CTNNA2: variants seen among roughly 807,000 people sequenced by gnomAD.
CTNNA2 encodes catenin alpha-2.
Under a neutral mutation model 101.0 loss-of-function variants are expected in CTNNA2, and 42 were observed. That is an observed-to-expected ratio of 0.42 (90% confidence interval 0.32 to 0.54). The LOEUF (loss-of-function observed/expected upper bound fraction) is 0.54. CTNNA2 is among the 20% of genes least tolerant of loss of function. The pLI is 0.14. For synonymous variants in CTNNA2, 450 were observed against 456.4 expected (o/e 0.99, Z 0.18); for missense variants, 871 against 1,223.1 (o/e 0.71, Z 4.29).
chr2:79,655,725 A>G (rs1300291398), intron 2 of CTNNA2, among the ~76,000 whole-genome samples: 1 of 151,868 alleles, frequency 6.6e-6, no homozygotes, highest in Non-Finnish European at 1.5e-5. Context: ...GCTACTCAGG[A>G]GGCTGAGGCA....
intron 7 of CTNNA2, 129 bp downstream of exon 7, chr2:79,909,926 C>A: frequency 1.1e-6 from 1 of 914,594 alleles, no homozygotes; most frequent in Non-Finnish European, 1.6e-6. Context: ...CAGGTGAAAC[C>A]AAAGAACTGC....
At chr2:79,597,732 C>T (rs939330037) in intron 1 of CTNNA2, among the ~76,000 whole-genome samples, 1 of 152,092 alleles carries the variant, frequency 6.6e-6, no homozygotes, top group African/African-American at 2.4e-5. Context: ...CCCAGTGAGA[C>T]CCAGTACTAT....
chr2:79,526,666 A>G (rs1280211917), intron 1 of CTNNA2, among the ~76,000 whole-genome samples: 2 of 152,106 alleles, frequency 1.3e-5, no homozygotes, highest in Non-Finnish European at 2.9e-5. Flanking sequence ...TCCGAAATAA[A>G]CCCATATATT....
chr2:80,484,373 A>G (rs945138895), intron 9 of CTNNA2, among the ~76,000 whole-genome samples: 1 of 152,334 alleles, frequency 6.6e-6, no homozygotes, highest in African/African-American at 2.4e-5. Flanking sequence ...GAGCTGTTGA[A>G]TAAGTGAATA....
chr2:79,932,404 T>G (rs1687510790), intron 7 of CTNNA2, among the ~76,000 whole-genome samples: 1 of 152,130 alleles, frequency 6.6e-6, no homozygotes, highest in South Asian at 2.1e-4. Flanking sequence ...GAAATCATAG[T>G]TTAAAACCTT....
chr2:79,249,014 G>T (rs1429438122), intron 2 of CTNNA2, among the ~76,000 whole-genome samples: 3 of 152,164 alleles, frequency 2.0e-5, no homozygotes, highest in Non-Finnish European at 2.9e-5. Flanking sequence ...ATGTGGACCT[G>T]TTAATTTCAC....
At chr2:79,907,927 C>T (rs1483559628) in intron 6 of CTNNA2, among the ~76,000 whole-genome samples, 2 of 152,176 alleles carry the variant, frequency 1.3e-5, no homozygotes, top group East Asian at 3.9e-4. Flanking sequence ...AAGACTTCAA[C>T]ATTCTTGTGC....
chr2:79,469,894 C>G (rs1230832701), intron 4 of CTNNA2, among the ~76,000 whole-genome samples: 1 of 152,102 alleles, frequency 6.6e-6, no homozygotes, highest in Non-Finnish European at 1.5e-5. Context: ...ATGAAAAGAG[C>G]TATTTATGAC....
chr2:80,195,322 G>A (rs986838441), intron 7 of CTNNA2, among the ~76,000 whole-genome samples: 1 of 152,114 alleles, frequency 6.6e-6, no homozygotes, highest in African/African-American at 2.4e-5. Flanking sequence ...AGAAATATTA[G>A]CATTGTAAAT....
intron 12 of CTNNA2, among the ~76,000 whole-genome samples, chr2:80,557,118 G>C (rs577952938): frequency 6.6e-6 from 1 of 152,326 alleles, no homozygotes; most frequent in African/African-American, 2.4e-5. Flanking sequence ...AAACAGAATA[G>C]TGTGGTATCA....
chr2:79,317,265 A>G (rs1455665927), intron 3 of CTNNA2, among the ~76,000 whole-genome samples: 3 of 152,026 alleles, frequency 2.0e-5, no homozygotes, highest in Admixed American at 2.0e-4. Flanking sequence ...ATCCGACTTG[A>G]TTATGGTATA....
chr2:79,918,316 G>T (rs1313220824), intron 7 of CTNNA2, among the ~76,000 whole-genome samples: 1 of 152,142 alleles, frequency 6.6e-6, no homozygotes, highest in Non-Finnish European at 1.5e-5. Flanking sequence ...CTGGAGATGG[G>T]CCTGCAGACT....
chr2:79,517,106 GT>G, intron 1 of CTNNA2, among the ~76,000 whole-genome samples: 1 of 152,260 alleles, frequency 6.6e-6, no homozygotes, highest in African/African-American at 2.4e-5. Flanking sequence ...CATGGAGCAG[GT>G]TAAGTATACT....
At chr2:79,803,360 A>G (rs1676316200) in intron 3 of CTNNA2, among the ~76,000 whole-genome samples, 1 of 152,240 alleles carries the variant, frequency 6.6e-6, no homozygotes, top group Non-Finnish European at 1.5e-5. Context: ...GGGCCCAAAC[A>G]GAGATTTACC....
Position 79,242,580 on chromosome 2 carries a change from C to T in CTNNA2, c.-406+44504C>T, listed in dbSNP as rs571459447. Among the ~76,000 whole-genome samples the T allele has an allele frequency of 4.6e-5, 7 of 152,252 alleles. No individual in the cohort carries two copies. In the South Asian group the frequency reaches 1.4e-3, roughly 32 times the overall value. The stretch of plus-strand genomic sequence containing the variant: ...AACAAGTCATTCTTCTCCACAACTA[C>T]AATAATAAAATAACATCACCTAACA... On this transcript the variant is annotated intron_variant, in intron 2 of 21. Coordinates refer to the CTNNA2 transcript ENST00000466387.
At chr2:79,411,851 A>C (rs567387285) in intron 4 of CTNNA2, among the ~76,000 whole-genome samples, 1 of 152,136 alleles carries the variant, frequency 6.6e-6, no homozygotes, top group Non-Finnish European at 1.5e-5. Flanking sequence ...CGAGCAAAAT[A>C]ACCAGCTAAC....
chr2:79,940,948 C>T (rs959584827), intron 7 of CTNNA2, among the ~76,000 whole-genome samples: 1 of 152,100 alleles, frequency 6.6e-6, no homozygotes. Flanking sequence ...CTAAGTTGAA[C>T]CATTGTAAGT....
intron 3 of CTNNA2, among the ~76,000 whole-genome samples, chr2:79,846,245 T>C (rs1680222096): frequency 6.6e-6 from 1 of 152,236 alleles, no homozygotes; most frequent in Admixed American, 6.5e-5. Flanking sequence ...TTCTGAGAAT[T>C]GTTCCTGTGC....
At chr2:80,537,671 G>C (rs13401759) in intron 9 of CTNNA2, among the ~76,000 whole-genome samples, 69,114 of 151,250 alleles carry the variant, frequency 0.46, 16,116 homozygotes, top group South Asian at 0.56. Context: ...TCAGCTCACT[G>C]CAACCTCTGC....
Sources: gnomAD v4.1 joint callset for allele counts (sites outside exome capture counted in the v4.1 genomes callset) on GRCh38, gnomAD v4.1.1 for gene constraint, MANE v1.5 for transcripts, NCBI Gene and HGNC (gene_info 2026-07-23, HGNC 2026-07-21) for gene names.